The following XIRP2 variants were observed in gnomAD, a reference collection of about 807,000 sequenced individuals.
XIRP2 encodes xin actin binding repeat containing 2.
XIRP2 carries 236 observed loss-of-function variants against 277.0 expected under a neutral mutation model. The observed-to-expected ratio is 0.85, with a 90% confidence interval of 0.77 to 0.95. XIRP2 has a LOEUF of 0.95. Ranked by LOEUF, XIRP2 falls within the 40% of genes least tolerant of loss-of-function variation. The pLI is 0.00. For synonymous variants in XIRP2, 1,490 were observed against 1,416.5 expected, an observed-to-expected ratio of 1.05 and a Z score of -1.17; for missense variants, 4,640 against 4,157.5, an observed-to-expected ratio of 1.12 and a Z score of -3.19.
intron 3 of XIRP2, among the ~76,000 whole-genome samples, chr2:167,168,950 T>TTTAAATTTCTAGTCTGATA (rs1178026067): frequency 6.6e-6 from 1 of 152,212 alleles, no homozygotes; most frequent in Non-Finnish European, 1.5e-5. Context: ...TCATAGTTAT[T>TTTAAATTTCTAGTCTGATA]TTAAATTTCT....
At chr2:167,099,977 T>C (rs1363781909) in intron 2 of XIRP2, among the ~76,000 whole-genome samples, 3 of 152,056 alleles carry the variant, frequency 2.0e-5, no homozygotes, top group African/African-American at 4.8e-5. Flanking sequence ...GAGCCTGTTA[T>C]TTTTTTAACT....
intron 2 of XIRP2, among the ~76,000 whole-genome samples, chr2:167,055,311 A>G (rs1260578848): frequency 6.6e-6 from 1 of 152,182 alleles, no homozygotes; most frequent in African/African-American, 2.4e-5. Flanking sequence ...TCAAGAGTAA[A>G]TGAGGTGGAG....
chr2:166,965,222 C>T (rs933259266), intron 2 of XIRP2, among the ~76,000 whole-genome samples: 1 of 151,834 alleles, frequency 6.6e-6, no homozygotes, highest in Non-Finnish European at 1.5e-5. Context: ...ACTAACACAC[C>T]TTCTGACCTG....
intron 3 of XIRP2, among the ~76,000 whole-genome samples, chr2:167,190,061 A>T (rs931056975): frequency 6.6e-6 from 1 of 152,200 alleles, no homozygotes; most frequent in Non-Finnish European, 1.5e-5. Context: ...GAACAGACAG[A>T]TGGAAGAGAT....
intron 2 of XIRP2, among the ~76,000 whole-genome samples, chr2:167,030,411 G>A (rs1214293026): frequency 3.3e-5 from 5 of 152,076 alleles, no homozygotes; most frequent in Admixed American, 6.6e-5. Context: ...CTGGTACACT[G>A]TGTCTTTGTT....
chr2:167,136,095 A>C, intron 3 of XIRP2, 33 bp downstream of exon 3: 1 of 1,556,056 alleles, frequency 6.4e-7, no homozygotes, highest in South Asian at 1.2e-5. Context: ...CTTTCTTGAC[A>C]TCATACCTTG....
At chr2:167,058,283 C>A (rs1021376506) in intron 2 of XIRP2, among the ~76,000 whole-genome samples, 1 of 151,818 alleles carries the variant, frequency 6.6e-6, no homozygotes, top group Non-Finnish European at 1.5e-5. Context: ...GACGGGGTTT[C>A]GCCATGTTCC....
intron 2 of XIRP2, among the ~76,000 whole-genome samples, chr2:166,971,908 C>A (rs1443023915): frequency 6.6e-6 from 1 of 152,020 alleles, no homozygotes; most frequent in East Asian, 1.9e-4. Context: ...TTTCATGTCA[C>A]TTTTAGATAC....
intron 2 of XIRP2, among the ~76,000 whole-genome samples, chr2:167,033,069 A>G (rs1162453547): frequency 2.0e-5 from 3 of 152,216 alleles, no homozygotes; most frequent in Non-Finnish European, 2.9e-5. Flanking sequence ...GTTAGACTGG[A>G]TAAAGAAATT....
At position 167,246,243 on chromosome 2, in the gene XIRP2, C is replaced by T. The variant is rs754957142; in HGVS notation, c.4851C>T (p.Asp1617=). Residue 1617 remains aspartate, a synonymous_variant, in exon 9 of 11, where the codon GAC becomes GAT. Coordinates refer to ENST00000409195, the MANE Select transcript of XIRP2 (RefSeq NM_152381.6). ...NIMVNLLSKR[D]CTEREILISE... ...TGGTGAACCTACTTTCCAAAAGGGA[C>T]TGTACTGAAAGAGAGATTTTGATTA... 1.2e-6 allele frequency: 2 copies of T among 1,613,366 alleles called. No individual in the cohort carries two copies. The highest frequency in any genetic ancestry group is 1.7e-6 in the Non-Finnish European group (2 of 1,179,744).
intron 2 of XIRP2, among the ~76,000 whole-genome samples, chr2:167,086,521 A>C (rs1037209438): frequency 4.6e-5 from 7 of 151,638 alleles, no homozygotes; most frequent in Non-Finnish European, 7.4e-5. Flanking sequence ...TCTCCTGGAT[A>C]ATATCCTGCA....
intron 2 of XIRP2, among the ~76,000 whole-genome samples, chr2:167,120,181 C>T (rs113472463): frequency 1.0e-3 from 154 of 152,190 alleles, no homozygotes; most frequent in African/African-American, 3.5e-3. Context: ...TTAGAAAATA[C>T]GAGGCCCTTT....
chr2:167,029,215 A>T (rs972994908), intron 2 of XIRP2, among the ~76,000 whole-genome samples: 11 of 152,004 alleles, frequency 7.2e-5, no homozygotes, highest in African/African-American at 2.2e-4. Flanking sequence ...CTGTTGCCTG[A>T]TTGCCCTGGC....
intron 3 of XIRP2, among the ~76,000 whole-genome samples, chr2:167,173,520 C>G (rs899028335): frequency 6.6e-6 from 1 of 152,142 alleles, no homozygotes; most frequent in African/African-American, 2.4e-5. Context: ...TTTTCTTTAT[C>G]CATTTATCTG....
intron 2 of XIRP2, among the ~76,000 whole-genome samples, chr2:167,059,961 A>G (rs1689138217): frequency 1.3e-5 from 2 of 152,122 alleles, no homozygotes; most frequent in African/African-American, 4.8e-5. Context: ...ATGATAAGAG[A>G]ACACATGGAG....
rs2105435191 is a variant in XIRP2 at position 167,243,858 on chromosome 2, G to A, written c.2466G>A (p.Glu822=). 1.9e-6 allele frequency: 3 copies of A among 1,613,868 alleles called. No homozygotes were observed. Among genetic ancestry groups the A allele is most frequent in the Non-Finnish European group, 2.5e-6 (3 of 1,179,902 alleles). ...FETQPLEKIK[E]SEEVIIEKEK... Reference sequence around the variant, plus strand: ...CCCAACCTTTGGAGAAAATCAAAGAGTCAGAAGAGGTCATCATTGAAAAGG... The same window carrying A: ...CCCAACCTTTGGAGAAAATCAAAGAATCAGAAGAGGTCATCATTGAAAAGG... Residue 822 remains glutamate (E), a synonymous_variant, in exon 9 of 11, where the codon GAG becomes GAA. Coordinates refer to ENST00000409195, the MANE Select transcript of XIRP2 (RefSeq NM_152381.6).
At chr2:167,026,572 T>G (rs557569456) in intron 2 of XIRP2, among the ~76,000 whole-genome samples, 1 of 152,352 alleles carries the variant, frequency 6.6e-6, no homozygotes, top group East Asian at 1.9e-4. Context: ...CATTTTGGCA[T>G]GTTTTTGCAG....
intron 2 of XIRP2, among the ~76,000 whole-genome samples, chr2:167,085,699 G>A (rs1689919254): frequency 6.6e-6 from 1 of 151,800 alleles, no homozygotes; most frequent in East Asian, 1.9e-4. Flanking sequence ...ATTATGTAAT[G>A]GCCTTCTTTG....
At chr2:167,070,009 A>G (rs1157577227) in intron 2 of XIRP2, among the ~76,000 whole-genome samples, 2 of 152,046 alleles carry the variant, frequency 1.3e-5, no homozygotes, top group African/African-American at 4.8e-5. Flanking sequence ...ACCTCAGCCT[A>G]CATTCCAATC....
Sources: gnomAD v4.1 joint callset for allele counts (sites outside exome capture counted in the v4.1 genomes callset) on GRCh38, gnomAD v4.1.1 for gene constraint, MANE v1.5 for transcripts, NCBI Gene and HGNC (gene_info 2026-07-23, HGNC 2026-07-21) for gene names.